Variants in PAX2 observed in about 807,000 individuals in gnomAD.
PAX2 encodes the protein paired box protein Pax-2.
PAX2 carries 9 observed loss-of-function variants against 41.7 expected under a neutral mutation model. The ratio of observed to expected loss-of-function variants is 0.22; its 90% CI spans 0.13 to 0.38. The LOEUF is 0.38. Ranked by LOEUF, PAX2 falls within the 10% of genes least tolerant of loss-of-function variation. PAX2 has a pLI of 1.00. For synonymous variants in PAX2, 221 were observed against 212.7 expected, an observed-to-expected ratio of 1.04 and a Z score of -0.34; for missense variants, 418 against 531.6, an observed-to-expected ratio of 0.79 and a Z score of 2.10.
intron 5 of PAX2, among the ~76,000 whole-genome samples, chr10:100,793,743 G>A (rs1244860212): frequency 6.6e-6 from 1 of 152,150 alleles, no homozygotes; most frequent in African/African-American, 2.4e-5. Context: ...TGACTGCTTT[G>A]GTGTGTAAAT....
chr10:100,779,863 G>A (rs532486518), intron 4 of PAX2, among the ~76,000 whole-genome samples: 147 of 151,726 alleles, frequency 9.7e-4, no homozygotes, highest in Non-Finnish European at 1.6e-3. Flanking sequence ...TTTTCTTCTA[G>A]CATTTCTTCT....
Position 100,748,025 on chromosome 10 carries a change from T to C in PAX2, c.44-1721T>C, listed in dbSNP as rs1845267218. ...GCCCGCGGGCCGGTGGACTGGTGGG[T>C]GAGACACCGCAGCCCGAGTCGGTGC... is the stretch of plus-strand genomic sequence containing the variant. On this transcript the variant is annotated intron_variant, in intron 1 of 9. Transcript: ENST00000355243. The surrounding 1 kb of genome is among the most constrained non-coding windows in gnomAD (Gnocchi z 5.0). 1 of 983,568 alleles carries C rather than the reference T, an allele frequency of 1.0e-6. No homozygotes were observed. The allele number at this position is 983,568 out of a possible 1,614,324, so 60.9% of individuals were successfully genotyped here.
chr10:100,777,148 C>CTGGAGTG (rs1390072488), intron 3 of PAX2, among the ~76,000 whole-genome samples: 1 of 143,204 alleles, frequency 7.0e-6, no homozygotes, highest in Non-Finnish European at 1.5e-5. Flanking sequence ...GTCGCCTAGG[C>CTGGAGTG]TGGAGTGCAG....
At chr10:100,799,789 C>CTTTTTT (rs56012188) in intron 5 of PAX2, among the ~76,000 whole-genome samples, 5 of 89,892 alleles carry the variant, frequency 5.6e-5, no homozygotes, top group African/African-American at 1.5e-4. Flanking sequence ...TAGTGTAATT[C>CTTTTTT]TTTTTTTTTT....
At position 100,824,353 on chromosome 10, in the gene PAX2, T is replaced by TACACAC. The variant is rs61572589; in HGVS notation, c.920-257_920-252dup. On this transcript the variant is annotated intron_variant, in intron 7 of 9. Coordinates refer to ENST00000355243, the MANE Select transcript of PAX2 (RefSeq NM_000278.5). This position sits in a 1 kb window ranked among gnomAD's most constrained non-coding sequence, Gnocchi z 6.6. ...GCACAGAGACACAGGCAAAGGCAGATACACACACACACACACACACACACA... is the reference window on the plus strand; with the variant it reads ...GCACAGAGACACAGGCAAAGGCAGATACACACACACACACACACACACACACACACA... 0.15 allele frequency among the ~76,000 whole-genome samples: 20,880 copies of TACACAC among 135,282 alleles called. 1,694 individuals are homozygous for TACACAC. The highest frequency in any genetic ancestry group is 0.17 in the South Asian group (647 of 3,770). 88.8% of individuals were successfully genotyped at this position (135,282 alleles called of 152,430 possible).
At chr10:100,796,500 G>C (rs4548562) in intron 5 of PAX2, among the ~76,000 whole-genome samples, 2 of 152,156 alleles carry the variant, frequency 1.3e-5, no homozygotes, top group African/African-American at 4.8e-5. Flanking sequence ...TGATTTTCCT[G>C]AAATGTCCTT....
chr10:100,825,901 C>A (rs960953287), intron 8 of PAX2, among the ~76,000 whole-genome samples: 4 of 147,912 alleles, frequency 2.7e-5, no homozygotes, highest in African/African-American at 1.0e-4. Flanking sequence ...GAGAAACTCC[C>A]AGCAGTGAGC....
At chr10:100,809,741 A>G (rs1288654684) in intron 7 of PAX2, among the ~76,000 whole-genome samples, 1 of 152,186 alleles carries the variant, frequency 6.6e-6, no homozygotes, top group African/African-American at 2.4e-5. Flanking sequence ...GGAGTTTGAG[A>G]TGAGTACAAT....
rs969122032 is a variant in PAX2, at chr10:100,746,025, C to G, written c.-236C>G. On this transcript the variant is annotated 5_prime_UTR_variant, in exon 1 of 10. Coordinates refer to ENST00000355243, the MANE Select transcript of PAX2 (RefSeq NM_000278.5). ...GGCCATTCTGCTGACCGCCCAGCCC[C>G]GAGCCCCGACAGTGGCAAGTTGCGG... 2.1e-6 allele frequency: 3 copies of G among 1,425,170 alleles called. No homozygotes were observed. Among genetic ancestry groups the G allele is most frequent in the Non-Finnish European group, 2.7e-6 (3 of 1,096,704 alleles). 88.3% of individuals were successfully genotyped at this position (1,425,170 alleles called of 1,614,324 possible).
Position 100,745,704 on chromosome 10 carries a change from C to G in PAX2, c.-557C>G. 3.7e-6 allele frequency: 3 copies of G among 806,952 alleles called. No homozygotes were observed. Among genetic ancestry groups the G allele is most frequent in the Non-Finnish European group, 4.5e-6 (3 of 660,314 alleles). The allele number at this position is 806,952 out of a possible 1,614,324, so 50.0% of individuals were successfully genotyped here. A position where few individuals can be genotyped will look rare whatever the true frequency, so the allele number is the denominator to read the frequency against. On this transcript the variant is annotated 5_prime_UTR_variant, in exon 1 of 10. Transcript: ENST00000355243. ...CCGCGGCGGCGTGCGCCTGCCTTTT[C>G]CGGGGGCGGGGGCCTGGCCCGCGCG... is the stretch of plus-strand genomic sequence containing the variant.
intron 5 of PAX2, chr10:100,786,860 C>A: frequency 1.3e-6 from 1 of 796,172 alleles, no homozygotes; most frequent in South Asian, 1.3e-5. Context: ...TCTGGTCTCC[C>A]GATCTTGGGA....
At position 100,750,448 on chromosome 10, in the gene PAX2, G is replaced by A. The variant is rs1845397097; in HGVS notation, c.213-246G>A. 6.6e-6 allele frequency among the ~76,000 whole-genome samples: 1 copy of A among 152,130 alleles called. No homozygotes were observed. Among genetic ancestry groups the A allele is most frequent in the South Asian group, 2.1e-4 (1 of 4,822 alleles). ...TTTCACTCCCACGGGTGCCTATTTG[G>A]GCTGGTGCGAACCCAGCCCCTGGTG... On this transcript the variant is annotated intron_variant, in intron 2 of 9. Coordinates refer to ENST00000355243, the MANE Select transcript of PAX2 (RefSeq NM_000278.5). The surrounding 1 kb of genome is among the most constrained non-coding windows in gnomAD (Gnocchi z 4.1).
chr10:100,791,175 G>A lies in PAX2; in HGVS notation c.616+9810G>A, dbSNP rs1474062435. 1.3e-5 allele frequency among the ~76,000 whole-genome samples: 2 copies of A among 152,214 alleles called. No homozygotes were observed. Among genetic ancestry groups the A allele is most frequent in the African/African-American group, 4.8e-5 (2 of 41,452 alleles). The stretch of plus-strand genomic sequence containing the variant: ...TCCCTCCCTGAGGCTCCGCCTGCCT[G>A]CTTCAAAGCACCCTTTGTGCTCATC... On this transcript the variant is annotated intron_variant, in intron 5 of 9. Transcript: ENST00000355243. This position sits in a 1 kb window ranked among gnomAD's most constrained non-coding sequence, Gnocchi z 4.5.
rs1845318727 is a variant in PAX2, at chr10:100,748,872, C to T, written c.44-874C>T. On this transcript the variant is annotated intron_variant, in intron 1 of 9. Transcript: ENST00000355243. The surrounding 1 kb of genome is among the most constrained non-coding windows in gnomAD (Gnocchi z 5.0). Reference sequence around the variant, plus strand: ...GGGCGCCCCGAGAGTTATTAACTCGCCAGCGAGGCCTATGCCGTGCCACCT... The same window carrying T: ...GGGCGCCCCGAGAGTTATTAACTCGTCAGCGAGGCCTATGCCGTGCCACCT... 2.4e-5 allele frequency: 24 copies of T among 985,304 alleles called. No individual in the cohort carries two copies. Among genetic ancestry groups the T allele is most frequent in the Admixed American group, 1.2e-4 (2 of 16,274 alleles). 61.0% of individuals were successfully genotyped at this position (985,304 alleles called of 1,614,324 possible).
intron 3 of PAX2, among the ~76,000 whole-genome samples, 158 bp downstream of exon 3, chr10:100,751,049 CAG>C (rs897872763): frequency 1.8e-4 from 27 of 152,264 alleles, no homozygotes; most frequent in African/African-American, 5.8e-4. Flanking sequence ...ACCTGTGAGG[CAG>C]AGAGTTAGAC....
At chr10:100,747,790 C>G (rs1276001286) in intron 1 of PAX2, 1 of 984,806 alleles carries the variant, frequency 1.0e-6, no homozygotes. Context: ...CGGAAAGCCT[C>G]GGTCCTTTTC....
chr10:100,749,597 CG>C (rs1845356053), intron 1 of PAX2, 148 bp from the exon 2 acceptor site: 1 of 1,436,240 alleles, frequency 7.0e-7, no homozygotes, highest in Admixed American at 2.8e-5. Context: ...TCCGCGTGGT[CG>C]TGGAGGTCCA....
intron 7 of PAX2, among the ~76,000 whole-genome samples, chr10:100,817,458 ACAGGC>A (rs1848228968): frequency 6.6e-6 from 1 of 152,050 alleles, no homozygotes; most frequent in Non-Finnish European, 1.5e-5. Flanking sequence ...CCCTGAGCCA[ACAGGC>A]TACACAGCCC....
At chr10:100,794,690 T>C (rs1847260630) in intron 5 of PAX2, among the ~76,000 whole-genome samples, 1 of 152,174 alleles carries the variant, frequency 6.6e-6, no homozygotes, top group African/African-American at 2.4e-5. Context: ...CTTGCCACTC[T>C]CCCATCTGGA....
Sources: gnomAD v4.1 joint callset for allele counts (sites outside exome capture counted in the v4.1 genomes callset) on GRCh38, gnomAD v4.1.1 for gene constraint, Gnocchi (gnomAD v3.1) non-coding constraint, MANE v1.5 for transcripts, NCBI Gene and HGNC (gene_info 2026-07-23, HGNC 2026-07-21) for gene names.